Variants in GABRA3 observed in about 807,000 individuals in gnomAD.
GABRA3 encodes the protein gamma-aminobutyric acid receptor subunit alpha-3.
Under a neutral mutation model 30.1 loss-of-function variants are expected in GABRA3, and 10 were observed. The ratio of observed to expected loss-of-function variants is 0.33; its 90% CI spans 0.20 to 0.56. The LOEUF is 0.56. GABRA3 is among the 20% of genes least tolerant of loss of function. The pLI, the probability that GABRA3 is intolerant of heterozygous loss-of-function variation, is 0.89. For synonymous variants in GABRA3, 151 were observed against 146.8 expected, an observed-to-expected ratio of 1.03 and a Z score of -0.21; for missense variants, 233 against 392.0, an observed-to-expected ratio of 0.59 and a Z score of 3.42.
intron 2 of GABRA3, among the ~76,000 whole-genome samples, chrX:152,352,130 T>G (rs1259334591): frequency 9.1e-6 from 1 of 110,042 alleles, no homozygotes; most frequent in Non-Finnish European, 1.9e-5. Flanking sequence ...AGACATAAAG[T>G]GAGCACATGC....
At chrX:152,306,179 AG>A (rs1173095639) in intron 3 of GABRA3, among the ~76,000 whole-genome samples, 1 of 112,010 alleles carries the variant, frequency 8.9e-6, no homozygotes, top group Non-Finnish European at 1.9e-5. Context: ...GGTAGTACCA[AG>A]TGTTGATAAG....
intron 1 of GABRA3, among the ~76,000 whole-genome samples, chrX:152,409,170 T>G (rs887955045): frequency 2.3e-4 from 26 of 110,765 alleles, no homozygotes; most frequent in African/African-American, 8.2e-4. Context: ...CTGGGTAACA[T>G]AGTGAGACCC....
intron 1 of GABRA3, among the ~76,000 whole-genome samples, chrX:152,385,258 A>T (rs1305503995): frequency 1.8e-5 from 2 of 111,884 alleles, no homozygotes; most frequent in Admixed American, 1.9e-4. Context: ...TTCTACTGTT[A>T]GACATATATG....
intron 3 of GABRA3, among the ~76,000 whole-genome samples, chrX:152,303,269 T>A (rs1229493976): frequency 8.9e-6 from 1 of 112,036 alleles, no homozygotes; most frequent in African/African-American, 3.3e-5. Flanking sequence ...TGAAATACCA[T>A]CTCATGCCAG....
chrX:152,342,717 G>T (rs749915984), intron 3 of GABRA3, among the ~76,000 whole-genome samples: 37 of 111,044 alleles, frequency 3.3e-4, no homozygotes, highest in Admixed American at 7.7e-4. Context: ...TTTTTGTTCC[G>T]AGATAATGTG....
chrX:152,196,883 A>G (rs1007139732), intron 8 of GABRA3, among the ~76,000 whole-genome samples: 2 of 112,400 alleles, frequency 1.8e-5, no homozygotes, highest in Admixed American at 9.4e-5. Context: ...TTTACTTTTT[A>G]TTTCACTTCC....
intron 9 of GABRA3, among the ~76,000 whole-genome samples, chrX:152,181,361 T>C (rs958733483): frequency 1.8e-5 from 2 of 112,043 alleles, no homozygotes; most frequent in Non-Finnish European, 3.8e-5. Flanking sequence ...GAAATGCAAC[T>C]GATTTTTGCA....
chrX:152,408,562 T>C (rs755286990), intron 1 of GABRA3, among the ~76,000 whole-genome samples: 3 of 111,067 alleles, frequency 2.7e-5, no homozygotes, highest in Non-Finnish European at 5.7e-5. Context: ...ATGTAAGAAA[T>C]TGTCAGACAA....
At chrX:152,360,275 T>C (rs1928442718) in intron 2 of GABRA3, among the ~76,000 whole-genome samples, 1 of 61,617 alleles carries the variant, frequency 1.6e-5, no homozygotes, top group Non-Finnish European at 3.0e-5. Flanking sequence ...TAGTTTACAG[T>C]CCCACCAACA....
chrX:152,265,728 A>T (rs1224969737), intron 4 of GABRA3, among the ~76,000 whole-genome samples: 1 of 111,558 alleles, frequency 9.0e-6, no homozygotes, highest in Non-Finnish European at 1.9e-5. Context: ...TGAAAAGATA[A>T]ACTTGATAAA....
At chrX:152,330,847 A>G (rs974630759) in intron 3 of GABRA3, among the ~76,000 whole-genome samples, 2 of 111,860 alleles carry the variant, frequency 1.8e-5, no homozygotes, top group Non-Finnish European at 3.8e-5. Context: ...TTAAAAGTAT[A>G]ATAAAAAAAG....
chrX:152,282,718 C>T (rs1939220677), intron 4 of GABRA3, among the ~76,000 whole-genome samples: 1 of 112,035 alleles, frequency 8.9e-6, no homozygotes, highest in Non-Finnish European at 1.9e-5. Context: ...GAGGAAGCAG[C>T]AGAGTGAGGA....
intron 1 of GABRA3, among the ~76,000 whole-genome samples, chrX:152,431,454 C>A (rs1164296303): frequency 8.9e-6 from 1 of 111,943 alleles, no homozygotes; most frequent in East Asian, 2.8e-4. Flanking sequence ...TTTAAAAAGA[C>A]AATTATTCCA....
chrX:152,197,284 A>G (rs1937401554), intron 8 of GABRA3, among the ~76,000 whole-genome samples: 1 of 111,696 alleles, frequency 9.0e-6, no homozygotes, highest in Admixed American at 9.5e-5. Flanking sequence ...CAAAGCCCCC[A>G]ATCCAATACT....
chrX:152,266,524 A>G lies in GABRA3; in HGVS notation c.331-10526T>C, dbSNP rs150157142. Among the ~76,000 whole-genome samples, 8 of 111,955 alleles carry G rather than the reference A, an allele frequency of 7.1e-5. No homozygotes were observed. In the East Asian group the frequency reaches 2.2e-3, roughly 31 times the overall value. ...ATTCTATAGCCAAACTTAGATTACC[A>G]TTTAAGAGTGAAGTCAAAATAAAGA... On this transcript the variant is annotated intron_variant, in intron 4 of 9. Transcript: ENST00000370314.
intron 1 of GABRA3, among the ~76,000 whole-genome samples, chrX:152,447,396 A>T (rs1477427102): frequency 8.9e-6 from 1 of 111,732 alleles, no homozygotes; most frequent in African/African-American, 3.3e-5. Flanking sequence ...TTGGCTTTCT[A>T]TCCACTGTAA....
At chrX:152,226,583 G>C (rs1159056616) in intron 5 of GABRA3, among the ~76,000 whole-genome samples, 4 of 111,558 alleles carry the variant, frequency 3.6e-5, no homozygotes, top group Non-Finnish European at 5.6e-5. Context: ...ACTACCATCA[G>C]AGTGAACAGG....
intron 1 of GABRA3, among the ~76,000 whole-genome samples, chrX:152,416,716 C>T (rs1930230842): frequency 9.0e-6 from 1 of 110,703 alleles, no homozygotes; most frequent in African/African-American, 3.3e-5. Flanking sequence ...TCAGAAATAA[C>T]ACCACATATC....
At chrX:152,241,992 A>C (rs776944363) in intron 5 of GABRA3, among the ~76,000 whole-genome samples, 1 of 111,736 alleles carries the variant, frequency 8.9e-6, no homozygotes, top group South Asian at 3.8e-4. Flanking sequence ...GGAGCTGTAG[A>C]CCGGAGCTGT....
Sources: gnomAD v4.1 joint callset for allele counts (sites outside exome capture counted in the v4.1 genomes callset) on GRCh38, gnomAD v4.1.1 for gene constraint, MANE v1.5 for transcripts, NCBI Gene and HGNC (gene_info 2026-07-23, HGNC 2026-07-21) for gene names.